The following MELK variants were observed in gnomAD, a reference collection of about 807,000 sequenced individuals.
MELK encodes the protein maternal embryonic leucine zipper kinase.
A neutral mutation model predicts 85.0 loss-of-function variants in MELK; 81 were observed. That is an observed-to-expected ratio of 0.95 (90% CI 0.80 to 1.15). MELK has a LOEUF of 1.15. MELK is among the 50% of genes most tolerant of loss of function. MELK has a pLI of 0.00. For synonymous variants in MELK, 252 were observed against 265.0 expected, an observed-to-expected ratio of 0.95 and a Z score of 0.48; for missense variants, 754 against 777.5, an observed-to-expected ratio of 0.97 and a Z score of 0.36.
chr9:36,581,417 A>G (rs1269169424), intron 1 of MELK, among the ~76,000 whole-genome samples: 5 of 152,064 alleles, frequency 3.3e-5, no homozygotes, highest in African/African-American at 7.2e-5. Flanking sequence ...AATAATGACA[A>G]TATTCTTTAA....
rs963033179 is a variant in MELK, at chr9:36,643,167, G to C, written c.921+84G>C. 3.5e-6 allele frequency: 4 copies of C among 1,129,340 alleles called. No individual in the cohort carries two copies. The African/African-American group carries it at 6.5e-5, about 18-fold the overall frequency. The allele number at this position is 1,129,340 out of a possible 1,614,324, so 70.0% of individuals were successfully genotyped here. On this transcript the variant is annotated intron_variant, in intron 11 of 17. Coordinates refer to ENST00000298048, the MANE Select transcript of MELK (RefSeq NM_014791.4). The stretch of plus-strand genomic sequence containing the variant: ...GGAGGCCGAGGTGGGAGGATCACTT[G>C]AGGTCAGGAGTTCGAGACCAGCCTG...
intron 2 of MELK, among the ~76,000 whole-genome samples, chr9:36,583,123 G>A (rs1013260101): frequency 5.1e-4 from 78 of 151,876 alleles, no homozygotes; most frequent in African/African-American, 1.7e-3. Context: ...ACAGGTGCCC[G>A]CCACCATGCC....
intron 10 of MELK, among the ~76,000 whole-genome samples, chr9:36,639,696 G>A (rs992089518): frequency 6.6e-6 from 1 of 152,068 alleles, no homozygotes; most frequent in South Asian, 2.1e-4. Flanking sequence ...TAGACCCTTG[G>A]TATCTTTTCT....
chr9:36,661,713 G>C (rs759644708), intron 13 of MELK, among the ~76,000 whole-genome samples: 1 of 152,124 alleles, frequency 6.6e-6, no homozygotes, highest in Non-Finnish European at 1.5e-5. Flanking sequence ...AAGGTGGGTG[G>C]ATCATGAGGT....
intron 14 of MELK, among the ~76,000 whole-genome samples, chr9:36,669,010 A>T (rs1362262945): frequency 6.6e-6 from 1 of 152,196 alleles, no homozygotes; most frequent in East Asian, 1.9e-4. Flanking sequence ...TGAGATTTGT[A>T]TTTATATGAT....
At chr9:36,668,669 C>G (rs1160698575) in intron 14 of MELK, among the ~76,000 whole-genome samples, 2 of 152,094 alleles carry the variant, frequency 1.3e-5, no homozygotes, top group African/African-American at 4.8e-5. Flanking sequence ...TGCGCCACCA[C>G]GCCCAGCTAA....
intron 8 of MELK, among the ~76,000 whole-genome samples, chr9:36,615,669 C>T (rs1826643963): frequency 1.4e-5 from 2 of 142,264 alleles, no homozygotes; most frequent in African/African-American, 2.8e-5. Flanking sequence ...CTCCTCACCT[C>T]CCAGACGGGG....
chr9:36,598,946 A>G (rs185863459), intron 6 of MELK, among the ~76,000 whole-genome samples: 5 of 152,260 alleles, frequency 3.3e-5, no homozygotes, highest in Admixed American at 2.6e-4. Context: ...TGGCTGCAGA[A>G]ATCCTTTATT....
At chr9:36,640,713 G>A (rs987193860) in intron 10 of MELK, among the ~76,000 whole-genome samples, 1 of 152,162 alleles carries the variant, frequency 6.6e-6, no homozygotes, top group Non-Finnish European at 1.5e-5. Flanking sequence ...GCTTCCCAAA[G>A]CCCTGGGATT....
intron 10 of MELK, among the ~76,000 whole-genome samples, 164 bp downstream of exon 10, chr9:36,633,364 T>C (rs1273004183): frequency 6.6e-6 from 1 of 152,228 alleles, no homozygotes; most frequent in Non-Finnish European, 1.5e-5. Context: ...TAACCCCATC[T>C]GCAAATGAGA....
intron 8 of MELK, among the ~76,000 whole-genome samples, chr9:36,608,684 C>A (rs544086491): frequency 1.3e-5 from 2 of 151,912 alleles, no homozygotes; most frequent in Non-Finnish European, 2.9e-5. Context: ...CAGGTTCAAG[C>A]GATTCTCCTG....
intron 1 of MELK, 88 bp from the exon 2 acceptor site, chr9:36,581,556 T>A: frequency 1.4e-6 from 1 of 712,238 alleles, no homozygotes; most frequent in Non-Finnish European, 2.4e-6. Context: ...TGTAAATGCA[T>A]AAGACTTATT....
chr9:36,614,425 G>GT (rs58332948), intron 8 of MELK, among the ~76,000 whole-genome samples: 60,141 of 119,060 alleles, frequency 0.51, 16,138 homozygotes, highest in East Asian at 0.74. Flanking sequence ...TTATTTTTGG[G>GT]TTTTTTTTTT....
intron 7 of MELK, among the ~76,000 whole-genome samples, chr9:36,606,619 G>GTGTATATATGGACATATA (rs1288733034): frequency 1.4e-5 from 2 of 145,954 alleles, no homozygotes; most frequent in African/African-American, 2.5e-5. Context: ...ATATGTATAG[G>GTGTATATATGGACATATA]TGTATATATG....
At chr9:36,580,605 A>G (rs1587308678) in intron 1 of MELK, among the ~76,000 whole-genome samples, 1 of 150,140 alleles carries the variant, frequency 6.7e-6, no homozygotes, top group African/African-American at 2.5e-5. Context: ...GGTGTGAGCC[A>G]CCTTGCCCAG....
chr9:36,604,823 A>T (rs1238646834), intron 7 of MELK, among the ~76,000 whole-genome samples: 1 of 152,004 alleles, frequency 6.6e-6, no homozygotes, highest in Non-Finnish European at 1.5e-5. Flanking sequence ...TTGTATTTTT[A>T]GTAGAGACGG....
intron 10 of MELK, among the ~76,000 whole-genome samples, chr9:36,636,854 T>A (rs1279877485): frequency 1.3e-5 from 2 of 150,988 alleles, no homozygotes; most frequent in African/African-American, 4.9e-5. Context: ...TTCTTGTCTT[T>A]CTTACCGAGT....
intron 8 of MELK, among the ~76,000 whole-genome samples, chr9:36,626,661 A>G (rs1827955687): frequency 6.6e-6 from 1 of 152,102 alleles, no homozygotes; most frequent in African/African-American, 2.4e-5. Context: ...GGCCTCAAGA[A>G]ATAGCAGCCC....
intron 10 of MELK, among the ~76,000 whole-genome samples, chr9:36,641,759 C>T (rs538624893): frequency 1.3e-3 from 197 of 152,066 alleles, no homozygotes; most frequent in African/African-American, 4.2e-3. Context: ...AGGCATGCAC[C>T]ACCACGCCTG....
Sources: allele counts gnomAD v4.1 joint callset (sites outside exome capture counted in the v4.1 genomes callset), GRCh38; gene constraint gnomAD v4.1.1; transcripts MANE v1.5; gene names NCBI Gene and HGNC (gene_info 2026-07-23, HGNC 2026-07-21).